Variants in APBA1 observed in about 807,000 individuals in gnomAD.
APBA1 encodes amyloid-beta A4 precursor protein-binding family A member 1.
Under a neutral mutation model 86.6 loss-of-function variants are expected in APBA1, and 55 were observed. That is an observed-to-expected ratio of 0.64 (90% CI 0.51 to 0.80). The LOEUF (loss-of-function observed/expected upper bound fraction) is 0.80. Among genes scored for constraint, APBA1 ranks in the 30% least tolerant of loss-of-function variants. The pLI, the probability that APBA1 is intolerant of heterozygous loss-of-function variation, is 0.00. For missense variants in APBA1, 1,090 were observed against 1,183.0 expected (o/e 0.92, Z 1.15); for synonymous variants, 511 against 493.9 (o/e 1.03, Z -0.46).
chr9:69,564,114 T>G (rs1033617981), intron 1 of APBA1, among the ~76,000 whole-genome samples: 2 of 152,146 alleles, frequency 1.3e-5, no homozygotes, highest in Non-Finnish European at 2.9e-5. Flanking sequence ...CTTCTGTATT[T>G]CTAATAAGCA....
intron 2 of APBA1, among the ~76,000 whole-genome samples, chr9:69,498,408 G>C (rs1337742442): frequency 1.3e-5 from 2 of 152,128 alleles, no homozygotes; most frequent in Non-Finnish European, 2.9e-5. Flanking sequence ...GACCCTAATG[G>C]AGAGAAACTG....
intron 4 of APBA1, among the ~76,000 whole-genome samples, chr9:69,468,656 C>A (rs1399732608): frequency 2.0e-5 from 3 of 152,182 alleles, no homozygotes; most frequent in African/African-American, 7.2e-5. Flanking sequence ...TAGACAGATT[C>A]CAAGGAAAAT....
At chr9:69,469,813 T>C (rs1337203515) in intron 4 of APBA1, among the ~76,000 whole-genome samples, 2 of 152,238 alleles carry the variant, frequency 1.3e-5, no homozygotes, top group Non-Finnish European at 2.9e-5. Flanking sequence ...ATTTATAGTG[T>C]TATGGAAACA....
At chr9:69,500,039 A>G (rs1457109090) in intron 2 of APBA1, among the ~76,000 whole-genome samples, 10 of 152,122 alleles carry the variant, frequency 6.6e-5, no homozygotes, top group Non-Finnish European at 2.9e-5. Flanking sequence ...TGTTGCCATT[A>G]TCACTAATTA....
chr9:69,638,251 T>G (rs562440058), intron 1 of APBA1, among the ~76,000 whole-genome samples: 12 of 152,312 alleles, frequency 7.9e-5, no homozygotes, highest in Admixed American at 6.5e-4. Flanking sequence ...TGTTTTTGTT[T>G]TTGTTTTGAG....
chr9:69,555,747 C>G (rs1564076066), intron 1 of APBA1, among the ~76,000 whole-genome samples: 1 of 152,128 alleles, frequency 6.6e-6, no homozygotes, highest in Non-Finnish European at 1.5e-5. Context: ...TTCATGGTTG[C>G]TTTAATTTAC....
intron 2 of APBA1, among the ~76,000 whole-genome samples, chr9:69,492,385 C>T (rs1300666079): frequency 6.6e-6 from 1 of 152,150 alleles, no homozygotes; most frequent in African/African-American, 2.4e-5. Context: ...TTTCAGCCCT[C>T]TGGGAGAGTG....
intron 2 of APBA1, among the ~76,000 whole-genome samples, chr9:69,512,656 G>A (rs11788742): frequency 0.1 from 15,474 of 152,076 alleles, 922 homozygotes; most frequent in East Asian, 0.28. Context: ...GCACTTACAT[G>A]GGGAAAGTGC....
At chr9:69,551,773 T>C (rs930041356) in intron 1 of APBA1, among the ~76,000 whole-genome samples, 13 of 152,210 alleles carry the variant, frequency 8.5e-5, no homozygotes, top group Admixed American at 8.5e-4. Flanking sequence ...AAAGGTTCCA[T>C]GAAATCTCTA....
chr9:69,541,703 G>A (rs983868715), intron 1 of APBA1, among the ~76,000 whole-genome samples: 2 of 151,958 alleles, frequency 1.3e-5, no homozygotes, highest in South Asian at 2.1e-4. Flanking sequence ...TACTCAATAA[G>A]TTAGTAATAA....
At chr9:69,585,849 C>T (rs1034752665) in intron 1 of APBA1, among the ~76,000 whole-genome samples, 1 of 152,190 alleles carries the variant, frequency 6.6e-6, no homozygotes, top group African/African-American at 2.4e-5. Flanking sequence ...GGACCATCTG[C>T]CTTTCTCCTG....
At chr9:69,584,782 TCAAAGTTTGAATGACATAAAAATC>T (rs1249178187) in intron 1 of APBA1, among the ~76,000 whole-genome samples, 1 of 152,058 alleles carries the variant, frequency 6.6e-6, no homozygotes, top group Non-Finnish European at 1.5e-5. Flanking sequence ...ATGAGAAGGG[TCAAAGTTTGAATGACATAAAAATC>T]CAAATTACTC....
intron 1 of APBA1, among the ~76,000 whole-genome samples, chr9:69,531,307 A>G (rs968119106): frequency 3.3e-5 from 5 of 152,142 alleles, no homozygotes; most frequent in African/African-American, 1.2e-4. Context: ...AGCTCTTCCA[A>G]AAGTGCGTAC....
chr9:69,574,874 A>G (rs957092467), intron 1 of APBA1, among the ~76,000 whole-genome samples: 1 of 152,144 alleles, frequency 6.6e-6, no homozygotes. Flanking sequence ...TGAAATGCCC[A>G]CGGTCTATTC....
chr9:69,645,361 A>T (rs1473459058), intron 1 of APBA1, among the ~76,000 whole-genome samples: 1 of 152,202 alleles, frequency 6.6e-6, no homozygotes, highest in Non-Finnish European at 1.5e-5. Flanking sequence ...TTATTTGAAA[A>T]CATCAGTTAA....
At chr9:69,443,017 C>T (rs545715281) in intron 10 of APBA1, among the ~76,000 whole-genome samples, 37 of 152,302 alleles carry the variant, frequency 2.4e-4, no homozygotes, top group African/African-American at 8.9e-4. Context: ...CCTTTTGTAT[C>T]TGAGTTACAG....
At chr9:69,525,493 C>T (rs1016368910) in intron 1 of APBA1, among the ~76,000 whole-genome samples, 2 of 151,590 alleles carry the variant, frequency 1.3e-5, no homozygotes, top group African/African-American at 4.8e-5. Context: ...ACCTGTGCCC[C>T]CCACCCCCCA....
intron 2 of APBA1, among the ~76,000 whole-genome samples, chr9:69,505,395 A>G (rs1425020179): frequency 6.6e-6 from 1 of 152,068 alleles, no homozygotes; most frequent in Non-Finnish European, 1.5e-5. Context: ...AGTCTTCTCC[A>G]TGTTTGAAAA....
chr9:69,565,084 A>G (rs1227643757), intron 1 of APBA1, among the ~76,000 whole-genome samples: 3 of 152,224 alleles, frequency 2.0e-5, no homozygotes, highest in Admixed American at 1.3e-4. Context: ...CTAAGAGAAG[A>G]AAATGTTCTA....
Sources: allele counts gnomAD v4.1 joint callset (sites outside exome capture counted in the v4.1 genomes callset), GRCh38; gene constraint gnomAD v4.1.1; transcripts MANE v1.5; gene names NCBI Gene and HGNC (gene_info 2026-07-23, HGNC 2026-07-21).